Variants in SARDH observed in about 807,000 individuals in gnomAD.
The protein encoded by SARDH is sarcosine dehydrogenase.
In SARDH, 95 loss-of-function variants were observed where a neutral mutation model predicts 109.1. That is an observed-to-expected ratio of 0.87 (90% confidence interval 0.74 to 1.03). SARDH has a LOEUF of 1.03. Among genes scored for constraint, SARDH ranks in the 50% least tolerant of loss-of-function variants. SARDH has a pLI of 0.00. For synonymous variants in SARDH, 572 were observed against 534.8 expected (o/e 1.07, Z -0.96); for missense variants, 1,267 against 1,287.8 (o/e 0.98, Z 0.25).
Position 133,694,423 on chromosome 9 carries a change from G to C in SARDH, c.1808-52C>G, listed in dbSNP as rs768675103. 2.8e-6 allele frequency: 4 copies of C among 1,443,688 alleles called. No individual in the cohort carries two copies. The South Asian group carries it at 4.9e-5, about 18-fold the overall frequency. The allele number at this position is 1,443,688 out of a possible 1,614,324, so 89.4% of individuals were successfully genotyped here. On this transcript the variant is annotated intron_variant, in intron 14 of 20. Coordinates refer to ENST00000439388, the MANE Select transcript of SARDH (RefSeq NM_001134707.2). ...CTGTGCTGAGGCCCCAGCCGGGTCT[G>C]TGCTGCCTCAGTTTCCCCAGGGCCG...
At chr9:133,732,394 C>A in intron 3 of SARDH, 29 bp downstream of exon 3, 1 of 1,548,728 alleles carries the variant, frequency 6.5e-7, no homozygotes, top group Non-Finnish European at 8.8e-7. Context: ...CCAAGCCCCC[C>A]TCCTTGCCCC....
chr9:133,713,227 C>T (rs1480382952), intron 8 of SARDH, 103 bp from the exon 9 acceptor site: 1 of 954,150 alleles, frequency 1.0e-6, no homozygotes, highest in Non-Finnish European at 1.6e-6. Flanking sequence ...TGCAGGGGCC[C>T]CTCCACCCAA....
At chr9:133,735,108 C>A (rs1339919177) in intron 1 of SARDH, among the ~76,000 whole-genome samples, 1 of 152,184 alleles carries the variant, frequency 6.6e-6, no homozygotes, top group Admixed American at 6.5e-5. Context: ...TATCGGCAGG[C>A]AGCCTCGAGA....
In SARDH at chr9:133,730,717, C is replaced by T. The variant is rs553210982; in HGVS notation, c.691-530G>A. 9.9e-5 allele frequency among the ~76,000 whole-genome samples: 15 copies of T among 152,078 alleles called. No homozygotes were observed. In the East Asian group the frequency reaches 2.9e-3, roughly 29 times the overall value. On this transcript the variant is annotated intron_variant, in intron 4 of 20. Coordinates refer to ENST00000439388, the MANE Select transcript of SARDH (RefSeq NM_001134707.2). ...TACAGGCCGGGGGTGGTGGTTTACG[C>T]CTGTAATCCCAGGACTTTGGGAGGC...
At chr9:133,719,641 C>T (rs549119251) in intron 6 of SARDH, among the ~76,000 whole-genome samples, 8 of 140,354 alleles carry the variant, frequency 5.7e-5, no homozygotes, top group African/African-American at 1.5e-4. Flanking sequence ...CCCACCCCCC[C>T]ACCCCAGGAG....
rs76090265 is a variant in SARDH, at chr9:133,704,789, G to A, written c.1554+159C>T. ...ATGCACTGAGCCTTGGGGGCAGGTCGGCAGGGCTCGGCTTCCCGTGTGCAG... is the reference window on the plus strand; with the variant it reads ...ATGCACTGAGCCTTGGGGGCAGGTCAGCAGGGCTCGGCTTCCCGTGTGCAG... On this transcript the variant is annotated intron_variant, in intron 12 of 20. Coordinates refer to ENST00000439388, the MANE Select transcript of SARDH (RefSeq NM_001134707.2). This position sits in a 1 kb window ranked among gnomAD's most constrained non-coding sequence, Gnocchi z 4.5. Among the ~76,000 whole-genome samples the A allele has an allele frequency of 3.3e-5, 5 of 152,154 alleles. No homozygotes were observed. The highest frequency in any genetic ancestry group is 1.2e-4 in the African/African-American group (5 of 41,424).
At position 133,680,919 on chromosome 9, in the gene SARDH, C is replaced by T. The variant is rs1483291245; in HGVS notation, c.2163+4274G>A. Among the ~76,000 whole-genome samples, 4 of 152,364 alleles carry T rather than the reference C, an allele frequency of 2.6e-5. No individual in the cohort carries two copies. The South Asian group carries it at 8.3e-4, about 32-fold the overall frequency. On this transcript the variant is annotated intron_variant, in intron 17 of 20. Coordinates refer to ENST00000439388, the MANE Select transcript of SARDH (RefSeq NM_001134707.2). The stretch of plus-strand genomic sequence containing the variant: ...GGTCTCTAGGTGAAGATGGTTAGCC[C>T]CAGCTCACCCCCAGTCTGTCCCCGA...
chr9:133,679,711 A>G (rs1276796199), intron 17 of SARDH, among the ~76,000 whole-genome samples: 1 of 152,198 alleles, frequency 6.6e-6, no homozygotes, highest in Non-Finnish European at 1.5e-5. Flanking sequence ...TTCCTCCTCT[A>G]GCAGTCCAGG....
upstream of SARDH, among the ~76,000 whole-genome samples, chr9:133,738,601 G>C (rs868042496): frequency 3.9e-5 from 6 of 152,322 alleles, 1 homozygote; most frequent in African/African-American, 1.2e-4. Context: ...AGGCGCCTCA[G>C]GGTTGCTGCA....
At chr9:133,662,824 G>A (rs964872313), downstream of SARDH, among the ~76,000 whole-genome samples, 7 of 152,200 alleles carry the variant, frequency 4.6e-5, no homozygotes, top group African/African-American at 9.6e-5. The surrounding 1 kb of genome is among the most constrained non-coding windows in gnomAD (Gnocchi z 5.1). Flanking sequence ...GCGCAGTGCC[G>A]CTCTGACGGG....
chr9:133,730,823 A>G (rs1158150360), intron 4 of SARDH, among the ~76,000 whole-genome samples: 7 of 152,018 alleles, frequency 4.6e-5, no homozygotes, highest in Admixed American at 4.6e-4. Flanking sequence ...TAAAAATACA[A>G]AAAATTAGAC....
At position 133,683,895 on chromosome 9, in the gene SARDH, G is replaced by A. The variant is rs375001718; in HGVS notation, c.2163+1298C>T. 2.8e-3 allele frequency among the ~76,000 whole-genome samples: 423 copies of A among 152,284 alleles called. 1 individual carries two copies. Among genetic ancestry groups the A allele is most frequent in the Middle Eastern group, 0.027 (8 of 294 alleles). On this transcript the variant is annotated intron_variant, in intron 17 of 20. Coordinates refer to ENST00000439388, the MANE Select transcript of SARDH (RefSeq NM_001134707.2). ...TGCCTCCAAACGCGGCCGTGCACCC[G>A]CCCACCCCCTCCTGAAGGCCACATC... is the stretch of plus-strand genomic sequence containing the variant.
At position 133,728,684 on chromosome 9, in the gene SARDH, CTAGGTGTCTG is replaced by C. The variant is rs1212733108; in HGVS notation, c.915+1071_915+1080del. Among the ~76,000 whole-genome samples the C allele has an allele frequency of 9.9e-5, 15 of 152,228 alleles. No homozygotes were observed. Among genetic ancestry groups the C allele is most frequent in the African/African-American group, 3.1e-4 (13 of 41,458 alleles). ...TCCCCCCAGCTCTACCCAGCAAGAA[CTAGGTGTCTG>C]TCTGTGTTATGGCCACAGCTTCTAG... is the stretch of plus-strand genomic sequence containing the variant. On this transcript the variant is annotated intron_variant, in intron 6 of 20. Coordinates refer to ENST00000439388, the MANE Select transcript of SARDH (RefSeq NM_001134707.2). The surrounding 1 kb of genome is among the most constrained non-coding windows in gnomAD (Gnocchi z 5.0).
chr9:133,673,851 G>A (rs1433582109), intron 17 of SARDH, among the ~76,000 whole-genome samples: 1 of 152,180 alleles, frequency 6.6e-6, no homozygotes, highest in African/African-American at 2.4e-5. Flanking sequence ...TTCAGACAAA[G>A]ACCCGTCACC....
intron 6 of SARDH, 59 bp downstream of exon 6, chr9:133,729,706 C>A: frequency 6.7e-7 from 1 of 1,493,658 alleles, no homozygotes; most frequent in Non-Finnish European, 9.2e-7. Flanking sequence ...AGCTGGGATT[C>A]AGAGCCAGGT....
intron 15 of SARDH, among the ~76,000 whole-genome samples, chr9:133,690,744 G>C (rs575907758): frequency 6.6e-6 from 1 of 152,134 alleles, no homozygotes; most frequent in South Asian, 2.1e-4. Flanking sequence ...AGAAGGACCT[G>C]CTTCTCAACC....
chr9:133,732,007 G>C (rs1206808044), intron 3 of SARDH, among the ~76,000 whole-genome samples: 3 of 152,182 alleles, frequency 2.0e-5, no homozygotes, highest in Non-Finnish European at 4.4e-5. Context: ...GGACCACTGG[G>C]ACAGGGAGAA....
intron 15 of SARDH, among the ~76,000 whole-genome samples, chr9:133,691,593 A>G (rs941325956): frequency 3.3e-5 from 5 of 152,104 alleles, no homozygotes; most frequent in Non-Finnish European, 5.9e-5. Flanking sequence ...TCCTTTTGTA[A>G]TCTTACAAAA....
chr9:133,736,516 C>T, intron 1 of SARDH, among the ~76,000 whole-genome samples: 1 of 152,206 alleles, frequency 6.6e-6, no homozygotes, highest in East Asian at 1.9e-4. Context: ...CCACCTCAGC[C>T]TCTCGAGTAG....
Sources: gnomAD v4.1 joint callset for allele counts (sites outside exome capture counted in the v4.1 genomes callset) on GRCh38, gnomAD v4.1.1 for gene constraint, Gnocchi (gnomAD v3.1) non-coding constraint, MANE v1.5 for transcripts, NCBI Gene and HGNC (gene_info 2026-07-23, HGNC 2026-07-21) for gene names.